Variants in TTLL5 observed in about 807,000 individuals in gnomAD.
TTLL5 encodes the protein tubulin polyglutamylase TTLL5.
A neutral mutation model predicts 168.4 loss-of-function variants in TTLL5; 132 were observed. The observed-to-expected ratio is 0.78, with a 90% CI of 0.68 to 0.91. The LOEUF is 0.91. Ranked by LOEUF, TTLL5 falls within the 40% of genes least tolerant of loss-of-function variation. The pLI is 0.00. For missense variants in TTLL5, 1,545 were observed against 1,581.5 expected (o/e 0.98, Z 0.39); for synonymous variants, 546 against 558.6 (o/e 0.98, Z 0.32).
At chr14:75,912,044 TG>T (rs1181208169) in intron 31 of TTLL5, among the ~76,000 whole-genome samples, 4 of 130,626 alleles carry the variant, frequency 3.1e-5, no homozygotes, top group Non-Finnish European at 6.5e-5. Context: ...CTTTACTGGC[TG>T]AACAGCAGCT....
At chr14:75,730,053 C>T (rs1040764353) in intron 12 of TTLL5, among the ~76,000 whole-genome samples, 1 of 152,106 alleles carries the variant, frequency 6.6e-6, no homozygotes, top group African/African-American at 2.4e-5. Flanking sequence ...CTATTTTCAC[C>T]CTGTTCTTCT....
At chr14:75,825,919 A>T (rs1296189154) in intron 28 of TTLL5, among the ~76,000 whole-genome samples, 1 of 152,090 alleles carries the variant, frequency 6.6e-6, no homozygotes, top group African/African-American at 2.4e-5. Flanking sequence ...TATACGCTGC[A>T]TCAGTTCAAG....
intron 31 of TTLL5, among the ~76,000 whole-genome samples, chr14:75,952,839 A>G (rs1177644664): frequency 1.3e-5 from 2 of 152,188 alleles, no homozygotes; most frequent in Non-Finnish European, 2.9e-5. Flanking sequence ...AACTAGACTA[A>G]TAGTTGCCTA....
intron 12 of TTLL5, 106 bp from the exon 13 acceptor site, chr14:75,732,232 C>G (rs1888593496): frequency 1.2e-6 from 1 of 841,248 alleles, no homozygotes; most frequent in Admixed American, 2.8e-5. Flanking sequence ...TACTTACACT[C>G]AGTGAGTTTC....
At chr14:75,789,833 C>T (rs528007384) in intron 26 of TTLL5, among the ~76,000 whole-genome samples, 17 of 152,282 alleles carry the variant, frequency 1.1e-4, no homozygotes, top group African/African-American at 4.1e-4. Flanking sequence ...ATCAAAATCT[C>T]AACAAGTGTG....
intron 4 of TTLL5, 83 bp downstream of exon 4, chr14:75,681,710 G>T (rs1884623984): frequency 4.2e-6 from 5 of 1,184,834 alleles, no homozygotes; most frequent in Non-Finnish European, 5.0e-6. Context: ...AGTTAACAGG[G>T]CCAGCTCCAG....
At chr14:75,860,628 T>C (rs184615819) in intron 28 of TTLL5, among the ~76,000 whole-genome samples, 1 of 152,320 alleles carries the variant, frequency 6.6e-6, no homozygotes, top group East Asian at 1.9e-4. Context: ...ATCTCAAGGT[T>C]AGCCAGCTAA....
intron 5 of TTLL5, among the ~76,000 whole-genome samples, chr14:75,686,003 C>CA (rs1297359559): frequency 2.0e-5 from 3 of 152,076 alleles, no homozygotes; most frequent in Admixed American, 2.0e-4. Flanking sequence ...CTTACATACA[C>CA]TAAAAATTGA....
At chr14:75,773,927 T>TATAGAGAGAGAGAG (rs1354936334) in intron 21 of TTLL5, among the ~76,000 whole-genome samples, 5 of 21,132 alleles carry the variant, frequency 2.4e-4, no homozygotes, top group African/African-American at 4.4e-4. Flanking sequence ...TATATATATA[T>TATAGAGAGAGAGAG]AGAGAGAGAG....
intron 31 of TTLL5, among the ~76,000 whole-genome samples, chr14:75,950,800 T>C (rs916889035): frequency 2.0e-5 from 3 of 151,996 alleles, no homozygotes; most frequent in Admixed American, 6.6e-5. Context: ...AAACCTTGTC[T>C]CTATAAAAAT....
chr14:75,863,817 A>T lies in TTLL5; in HGVS notation c.3477A>T (p.Lys1159Asn). 1.9e-6 allele frequency: 3 copies of T among 1,587,184 alleles called. No homozygotes were observed. The highest frequency in any genetic ancestry group is 2.6e-6 in the Non-Finnish European group (3 of 1,165,768). Residue 1159 changes from lysine (K) to asparagine (N), a missense_variant, in exon 29 of 32, where the codon AAA becomes AAT. Physicochemically the swap from Lys to Asn is moderately conservative, Grantham distance 94. Transcript: ENST00000298832. ...QFALQQLEQQ[K>N]LQSRQLLDQS... ...CCCTGCAGCAACTTGAACAACAAAAACTTCAGTCCCGGCAGCTCCTGGACC... is the reference window on the plus strand; with the variant it reads ...CCCTGCAGCAACTTGAACAACAAAATCTTCAGTCCCGGCAGCTCCTGGACC...
intron 31 of TTLL5, among the ~76,000 whole-genome samples, chr14:75,924,219 A>G (rs2033926561): frequency 6.6e-6 from 1 of 151,112 alleles, no homozygotes; most frequent in South Asian, 2.1e-4. Flanking sequence ...TAGCCCATTT[A>G]CATTTAACGT....
intron 3 of TTLL5, among the ~76,000 whole-genome samples, chr14:75,679,138 A>G (rs74511508): frequency 0.034 from 5,166 of 152,298 alleles, 124 homozygotes; most frequent in African/African-American, 0.063. Context: ...ATGGCATAGG[A>G]TGAATTAAGG....
intron 31 of TTLL5, among the ~76,000 whole-genome samples, chr14:75,930,911 G>C (rs572169448): frequency 6.6e-6 from 1 of 152,298 alleles, no homozygotes; most frequent in East Asian, 1.9e-4. Context: ...ACAACACTGA[G>C]TTTTTGGGAA....
intron 31 of TTLL5, among the ~76,000 whole-genome samples, chr14:75,909,622 G>A (rs1261564963): frequency 1.3e-5 from 2 of 152,098 alleles, no homozygotes; most frequent in African/African-American, 4.8e-5. Flanking sequence ...TATCCAACAT[G>A]TACATTCTTA....
intron 26 of TTLL5, among the ~76,000 whole-genome samples, chr14:75,786,257 C>G (rs544322841): frequency 6.6e-6 from 1 of 151,774 alleles, no homozygotes; most frequent in African/African-American, 2.4e-5. Flanking sequence ...CTATTTTTTC[C>G]CCATGTAAGA....
rs1260813003 is a variant in TTLL5 at position 75,731,169 on chromosome 14, A to T, written c.1043-1169A>T. Reference sequence around the variant, plus strand: ...TTCTTGAAGCAAGGAAATTTGTATCAGAATTAATTTCTGGAAAATACCTCG... The same window carrying T: ...TTCTTGAAGCAAGGAAATTTGTATCTGAATTAATTTCTGGAAAATACCTCG... On this transcript the variant is annotated intron_variant, in intron 12 of 31. Coordinates refer to ENST00000298832, the MANE Select transcript of TTLL5 (RefSeq NM_015072.5). Among the ~76,000 whole-genome samples the T allele has an allele frequency of 2.6e-5, 4 of 152,294 alleles. No homozygotes were observed. In the South Asian group the frequency reaches 6.2e-4, roughly 24 times the overall value.
Position 75,667,277 on chromosome 14 carries a change from C to T in TTLL5, c.75-2139C>T, listed in dbSNP as rs181947564. ...AATCCATTGTTTATAAATGCTAAGG[C>T]ATAGTGGTGCCAGCTGGTAGCTAGT... On this transcript the variant is annotated intron_variant, in intron 2 of 31. Coordinates refer to ENST00000298832, the MANE Select transcript of TTLL5 (RefSeq NM_015072.5). 1.8e-3 allele frequency among the ~76,000 whole-genome samples: 276 copies of T among 152,328 alleles called. 1 individual carries two copies. Among genetic ancestry groups the T allele is most frequent in the Non-Finnish European group, 2.6e-3 (179 of 68,028 alleles).
At chr14:75,736,601 T>C (rs1888925198) in intron 15 of TTLL5, among the ~76,000 whole-genome samples, 1 of 152,196 alleles carries the variant, frequency 6.6e-6, no homozygotes, top group Admixed American at 6.5e-5. Context: ...GGCCAGGTGT[T>C]ATGAGATCTT....
Sources: gnomAD v4.1 joint callset for allele counts (sites outside exome capture counted in the v4.1 genomes callset) on GRCh38, gnomAD v4.1.1 for gene constraint, MANE v1.5 for transcripts, NCBI Gene and HGNC (gene_info 2026-07-23, HGNC 2026-07-21) for gene names.